The following MRPS28 variants were observed in gnomAD, a reference collection of about 807,000 sequenced individuals.
The protein encoded by MRPS28 is mitochondrial ribosomal protein S28.
A neutral mutation model predicts 10.8 loss-of-function variants in MRPS28; 7 were observed. The observed-to-expected ratio is 0.65, with a 90% CI of 0.37 to 1.22. The LOEUF is 1.22. Ranked by LOEUF, MRPS28 falls within the 50% of genes most tolerant of loss-of-function variation. MRPS28 has a pLI of 0.02. For synonymous variants in MRPS28, 121 were observed against 93.3 expected, an observed-to-expected ratio of 1.30 and a Z score of -1.71; for missense variants, 265 against 232.9, an observed-to-expected ratio of 1.14 and a Z score of -0.90.
intron 2 of MRPS28, among the ~76,000 whole-genome samples, chr8:79,934,828 T>C (rs915561944): frequency 3.3e-5 from 5 of 152,214 alleles, no homozygotes; most frequent in Non-Finnish European, 7.3e-5. Context: ...GATTAAAATA[T>C]TTCAATAACA....
intron 2 of MRPS28, among the ~76,000 whole-genome samples, chr8:79,995,226 C>T (rs757052997): frequency 4.6e-5 from 7 of 152,114 alleles, no homozygotes; most frequent in South Asian, 2.1e-4. Flanking sequence ...AGTTTGGTGA[C>T]TCAATGAAAA....
intron 2 of MRPS28, among the ~76,000 whole-genome samples, chr8:79,952,621 T>C (rs1247489229): frequency 6.6e-6 from 1 of 152,164 alleles, no homozygotes; most frequent in African/African-American, 2.4e-5. Context: ...CCCTGTTTAC[T>C]ACCTACCCCC....
At chr8:79,969,970 T>C (rs1373696210) in intron 2 of MRPS28, among the ~76,000 whole-genome samples, 4 of 152,208 alleles carry the variant, frequency 2.6e-5, no homozygotes, top group African/African-American at 4.8e-5. Flanking sequence ...CAAGTGTTTA[T>C]TGAGCAACTA....
At chr8:79,966,998 A>T (rs1032778790) in intron 2 of MRPS28, among the ~76,000 whole-genome samples, 2 of 152,180 alleles carry the variant, frequency 1.3e-5, no homozygotes, top group African/African-American at 4.8e-5. Flanking sequence ...ACTGTTGAGT[A>T]ACTGCATACA....
chr8:79,995,790 G>T (rs539748412), intron 2 of MRPS28, among the ~76,000 whole-genome samples: 44 of 152,290 alleles, frequency 2.9e-4, no homozygotes, highest in Non-Finnish European at 5.9e-4. Flanking sequence ...AGAAGAGGCT[G>T]CTAGGTCCTT....
At chr8:79,972,702 C>T (rs533254746) in intron 2 of MRPS28, among the ~76,000 whole-genome samples, 4 of 152,294 alleles carry the variant, frequency 2.6e-5, no homozygotes, top group Non-Finnish European at 4.4e-5. Context: ...AATATTGACA[C>T]ACGTTTTTTA....
intron 1 of MRPS28, among the ~76,000 whole-genome samples, chr8:80,026,674 GATGTGTC>G (rs1809500345): frequency 6.6e-6 from 1 of 152,120 alleles, no homozygotes; most frequent in Non-Finnish European, 1.5e-5. Context: ...ATTTTATTCT[GATGTGTC>G]ATGTGTTACT....
chr8:79,989,014 A>G lies in MRPS28; in HGVS notation c.395+13985T>C, dbSNP rs554986017. 3.3e-5 allele frequency among the ~76,000 whole-genome samples: 5 copies of G among 152,356 alleles called. No individual in the cohort carries two copies. In the South Asian group the frequency reaches 1.0e-3, roughly 32 times the overall value. On this transcript the variant is annotated intron_variant, in intron 2 of 2. Coordinates refer to ENST00000276585, the MANE Select transcript of MRPS28 (RefSeq NM_014018.3). The stretch of plus-strand genomic sequence containing the variant: ...AATTTCTGAGAAGGGAATAGCCAAT[A>G]TTATTGAATAATACAAAGCAGTTAA...
chr8:80,020,016 C>T lies in MRPS28; in HGVS notation c.213+10020G>A, dbSNP rs571649129. On this transcript the variant is annotated intron_variant, in intron 1 of 2. Coordinates refer to ENST00000276585, the MANE Select transcript of MRPS28 (RefSeq NM_014018.3). ...GGGAGACATGAGACATCAATCAATACGTGTAAGATGTACATTGGTTACACT... is the reference window on the plus strand; with the variant it reads ...GGGAGACATGAGACATCAATCAATATGTGTAAGATGTACATTGGTTACACT... Among the ~76,000 whole-genome samples, 173 of 152,236 alleles carry T rather than the reference C, an allele frequency of 1.1e-3. 1 individual carries two copies. The highest frequency in any genetic ancestry group is 3.6e-3 in the African/African-American group (150 of 41,526).
intron 2 of MRPS28, among the ~76,000 whole-genome samples, chr8:79,932,441 A>G (rs540330557): frequency 6.6e-6 from 1 of 152,298 alleles, no homozygotes; most frequent in Non-Finnish European, 1.5e-5. Context: ...GGCTCACGGT[A>G]GGGTAAAGTC....
At chr8:79,971,938 G>C (rs1241737991) in intron 2 of MRPS28, among the ~76,000 whole-genome samples, 1 of 151,980 alleles carries the variant, frequency 6.6e-6, no homozygotes, top group Non-Finnish European at 1.5e-5. Context: ...CCTGCCTCAG[G>C]ATCTGCCCGC....
rs148391205 is a variant in MRPS28 at position 79,977,332 on chromosome 8, A to T, written c.395+25667T>A. On this transcript the variant is annotated intron_variant, in intron 2 of 2. Coordinates refer to ENST00000276585, the MANE Select transcript of MRPS28 (RefSeq NM_014018.3). ...TTAGTTTTACAAATTGAAACCAAAA[A>T]ATAATAATAACAGAAATATCGACAT... Among the ~76,000 whole-genome samples the T allele has an allele frequency of 8.6e-3, 1,308 of 152,284 alleles. 24 individuals carry two copies. The highest frequency in any genetic ancestry group is 0.03 in the African/African-American group (1,246 of 41,554).
At chr8:79,921,762 A>G (rs567078092) in intron 2 of MRPS28, among the ~76,000 whole-genome samples, 3,006 of 152,138 alleles carry the variant, frequency 0.02, 82 homozygotes, top group Non-Finnish European at 0.021. Flanking sequence ...TTCCTAATTG[A>G]ATACCCTTTA....
In MRPS28 at chr8:79,948,568, A is replaced by G. The variant is rs1015491011; in HGVS notation, c.396-29420T>C. On this transcript the variant is annotated intron_variant, in intron 2 of 2. Transcript: ENST00000276585. Reference sequence around the variant, plus strand: ...TTATTTCTGATTTTAGAAAATATCAAGGCTTTCACAGCTGAGTTTGATGTT... The same window carrying G: ...TTATTTCTGATTTTAGAAAATATCAGGGCTTTCACAGCTGAGTTTGATGTT... Among the ~76,000 whole-genome samples, 6 of 151,394 alleles carry G rather than the reference A, an allele frequency of 4.0e-5. No individual in the cohort carries two copies. In the East Asian group the frequency reaches 1.2e-3, roughly 29 times the overall value.
intron 2 of MRPS28, among the ~76,000 whole-genome samples, chr8:79,985,143 A>C (rs1204696488): frequency 6.6e-6 from 1 of 152,212 alleles, no homozygotes; most frequent in South Asian, 2.1e-4. Context: ...GCTCAACTAC[A>C]TGGAAACTGA....
At chr8:79,967,581 C>T (rs927849491) in intron 2 of MRPS28, among the ~76,000 whole-genome samples, 1 of 152,162 alleles carries the variant, frequency 6.6e-6, no homozygotes, top group Non-Finnish European at 1.5e-5. Context: ...GGTGTATCAG[C>T]AAGCAACATG....
chr8:79,919,929 T>C (rs1331462134), intron 2 of MRPS28, among the ~76,000 whole-genome samples: 7 of 92,524 alleles, frequency 7.6e-5, no homozygotes, highest in African/African-American at 1.6e-4. Flanking sequence ...GTATATCTCC[T>C]AATGCTATCC....
intron 2 of MRPS28, among the ~76,000 whole-genome samples, chr8:79,919,859 A>T (rs891406956): frequency 1.3e-5 from 2 of 152,064 alleles, no homozygotes; most frequent in Non-Finnish European, 1.5e-5. Flanking sequence ...CAGGTTTGTT[A>T]CATATGTATA....
chr8:80,027,364 C>T (rs777416557), intron 1 of MRPS28, among the ~76,000 whole-genome samples: 3 of 152,124 alleles, frequency 2.0e-5, no homozygotes, highest in Non-Finnish European at 4.4e-5. Flanking sequence ...AAGTAAGTTG[C>T]CCAAAGTCAC....
Sources: gnomAD v4.1 joint callset for allele counts (sites outside exome capture counted in the v4.1 genomes callset) on GRCh38, gnomAD v4.1.1 for gene constraint, MANE v1.5 for transcripts, NCBI Gene and HGNC (gene_info 2026-07-23, HGNC 2026-07-21) for gene names.